The following HTRA3 variants were observed in gnomAD, a reference collection of about 807,000 sequenced individuals.
The protein encoded by HTRA3 is serine protease HTRA3.
A neutral mutation model predicts 43.2 loss-of-function variants in HTRA3; 41 were observed. That is an observed-to-expected ratio of 0.95 (90% CI 0.74 to 1.23). The LOEUF (loss-of-function observed/expected upper bound fraction) is 1.23. HTRA3 is among the 50% of genes most tolerant of loss of function. The probability of loss-of-function intolerance (pLI) is 0.00; values close to 1 mark genes in which losing one functional copy is unlikely to be tolerated. For synonymous variants in HTRA3, 295 were observed against 287.9 expected, an observed-to-expected ratio of 1.02 and a Z score of -0.25; for missense variants, 628 against 647.1, an observed-to-expected ratio of 0.97 and a Z score of 0.32.
intron 8 of HTRA3, among the ~76,000 whole-genome samples, chr4:8,305,648 T>C (rs1463744253): frequency 2.0e-4 from 31 of 152,138 alleles, no homozygotes; most frequent in Admixed American, 2.0e-3. Flanking sequence ...ATTTGCAAAG[T>C]GCGTTTCCAC....
chr4:8,301,367 C>A (rs1713651078), intron 6 of HTRA3, among the ~76,000 whole-genome samples: 1 of 151,622 alleles, frequency 6.6e-6, no homozygotes. Flanking sequence ...TCACACTCAG[C>A]TTTATTATTG....
chr4:8,294,270 C>A, intron 6 of HTRA3, 69 bp downstream of exon 6: 4 of 1,186,390 alleles, frequency 3.4e-6, no homozygotes, highest in East Asian at 2.5e-5. Flanking sequence ...CCTTAACACC[C>A]CAGCCCTGGG....
intron 3 of HTRA3, among the ~76,000 whole-genome samples, chr4:8,287,886 C>T (rs1460087104): frequency 6.6e-6 from 1 of 152,158 alleles, no homozygotes; most frequent in Non-Finnish European, 1.5e-5. Flanking sequence ...CTTGTCTTGC[C>T]CAATGCCATG....
At chr4:8,283,027 G>A (rs1169074082) in intron 2 of HTRA3, among the ~76,000 whole-genome samples, 1 of 152,208 alleles carries the variant, frequency 6.6e-6, no homozygotes, top group Admixed American at 6.5e-5. Flanking sequence ...GCCAGTGGAT[G>A]CAGGGCAGTG....
At chr4:8,284,171 G>A (rs574143242) in intron 2 of HTRA3, among the ~76,000 whole-genome samples, 5 of 152,312 alleles carry the variant, frequency 3.3e-5, no homozygotes, top group Admixed American at 2.6e-4. Flanking sequence ...CACCCTGTCC[G>A]GTGCCCCGTG....
chr4:8,271,922 G>A (rs1354715918), intron 1 of HTRA3, among the ~76,000 whole-genome samples: 9 of 152,194 alleles, frequency 5.9e-5, no homozygotes, highest in Non-Finnish European at 1.3e-4. Flanking sequence ...CTTGTGTTGA[G>A]ACTGCCCAGG....
At position 8,296,431 on chromosome 4, in the gene HTRA3, G is replaced by A. The variant is rs1713460013; in HGVS notation, c.1051+2230G>A. ...ATCCTTCTGAAGTTGACTGGTGTTT[G>A]TACTTGCTTCTCTTTTTTATTTAAT... On this transcript the variant is annotated intron_variant, in intron 6 of 8. Transcript: ENST00000307358. This position sits in a 1 kb window ranked among gnomAD's most constrained non-coding sequence, Gnocchi z 5.3. 1 of 985,268 alleles carries A rather than the reference G, an allele frequency of 1.0e-6. No individual in the cohort carries two copies. Among genetic ancestry groups the A allele is most frequent in the African/African-American group, 1.7e-5 (1 of 57,234 alleles). 61.0% of individuals were successfully genotyped at this position (985,268 alleles called of 1,614,324 possible). A position where few individuals can be genotyped will look rare whatever the true frequency, so the allele number is the denominator to read the frequency against.
chr4:8,271,185 C>T lies in HTRA3; in HGVS notation c.385+832C>T, dbSNP rs1351416062. Among the ~76,000 whole-genome samples, 3 of 151,736 alleles carry T rather than the reference C, an allele frequency of 2.0e-5. No homozygotes were observed. In the South Asian group the frequency reaches 6.3e-4, roughly 32 times the overall value. ...AGCCTCAGGAGCACCATGGGGAGCACCAACTGCCGGGGCTCCTGGGAAGCC... is the reference window on the plus strand; with the variant it reads ...AGCCTCAGGAGCACCATGGGGAGCATCAACTGCCGGGGCTCCTGGGAAGCC... On this transcript the variant is annotated intron_variant, in intron 1 of 8. Transcript: ENST00000307358.
At chr4:8,275,392 A>G (rs1175065035) in intron 1 of HTRA3, among the ~76,000 whole-genome samples, 6 of 152,142 alleles carry the variant, frequency 3.9e-5, no homozygotes, top group Non-Finnish European at 8.8e-5. Flanking sequence ...GCCTCCTGGC[A>G]GGCTCGCAGG....
chr4:8,296,650 C>T lies in HTRA3; in HGVS notation c.1051+2449C>T, dbSNP rs1713468559. Among the ~76,000 whole-genome samples the T allele has an allele frequency of 6.6e-6, 1 of 152,230 alleles. No homozygotes were observed. The highest frequency in any genetic ancestry group is 2.4e-5 in the African/African-American group (1 of 41,464). On this transcript the variant is annotated intron_variant, in intron 6 of 8. Coordinates refer to ENST00000307358, the MANE Select transcript of HTRA3 (RefSeq NM_053044.5). The surrounding 1 kb of genome is among the most constrained non-coding windows in gnomAD (Gnocchi z 5.3). ...GCCCCAGGAGGGCTTGGGGTCCAGCCAGCCTTAGGACCAGAGAGTAGCCCC... is the reference window on the plus strand; with the variant it reads ...GCCCCAGGAGGGCTTGGGGTCCAGCTAGCCTTAGGACCAGAGAGTAGCCCC...
At chr4:8,301,871 T>C (rs916074681) in intron 6 of HTRA3, among the ~76,000 whole-genome samples, 2 of 152,258 alleles carry the variant, frequency 1.3e-5, no homozygotes, top group African/African-American at 4.8e-5. Context: ...AGAACTCTTA[T>C]ATAAAATGAA....
chr4:8,274,739 G>A (rs1324918536), intron 1 of HTRA3, among the ~76,000 whole-genome samples: 15 of 152,326 alleles, frequency 9.8e-5, no homozygotes, highest in Admixed American at 5.2e-4. Flanking sequence ...TTCCCTTTGC[G>A]CGTAACCAGA....
intron 1 of HTRA3, among the ~76,000 whole-genome samples, chr4:8,276,889 G>C (rs1251847914): frequency 6.6e-6 from 1 of 152,254 alleles, no homozygotes; most frequent in Non-Finnish European, 1.5e-5. Context: ...GCCTCTCTAA[G>C]CCTTGTTTCC....
At chr4:8,289,415 G>A (rs1713136611) in intron 3 of HTRA3, among the ~76,000 whole-genome samples, 2 of 152,242 alleles carry the variant, frequency 1.3e-5, no homozygotes, top group African/African-American at 2.4e-5. Context: ...GCAATGGACA[G>A]CGTTTGGGCC....
chr4:8,272,199 A>T (rs1712308564), intron 1 of HTRA3, among the ~76,000 whole-genome samples: 1 of 152,070 alleles, frequency 6.6e-6, no homozygotes, highest in Admixed American at 6.5e-5. Context: ...ACACTCACTG[A>T]CTTCTGGAGT....
chr4:8,282,363 C>T (rs986825549), intron 1 of HTRA3, 74 bp from the exon 2 acceptor site: 7 of 1,181,754 alleles, frequency 5.9e-6, no homozygotes, highest in Admixed American at 2.0e-5. Context: ...TCCTTCTGCC[C>T]ACTGGGCATA....
intron 6 of HTRA3, among the ~76,000 whole-genome samples, chr4:8,300,346 G>T (rs1162797131): frequency 1.3e-5 from 2 of 152,192 alleles, no homozygotes; most frequent in African/African-American, 4.8e-5. Context: ...GAATTCTCCA[G>T]TGAGATCTTT....
At chr4:8,287,581 C>T (rs573278720) in intron 3 of HTRA3, among the ~76,000 whole-genome samples, 1 of 152,180 alleles carries the variant, frequency 6.6e-6, no homozygotes, top group South Asian at 2.1e-4. Context: ...ACATGCCACA[C>T]ATTTTAAAAC....
Position 8,297,584 on chromosome 4 carries a change from CAGG to C in HTRA3, c.1051+3386_1051+3388del, listed in dbSNP as rs1713499852. Reference sequence around the variant, plus strand: ...CGAGGGTGAGGGCTGCATGACGGGGCAGGAGACCTCTCTGAGGAGGTGACCCAC... The same window carrying C: ...CGAGGGTGAGGGCTGCATGACGGGGCAGACCTCTCTGAGGAGGTGACCCAC... On this transcript the variant is annotated intron_variant, in intron 6 of 8. Transcript: ENST00000307358. This position sits in a 1 kb window ranked among gnomAD's most constrained non-coding sequence, Gnocchi z 5.8. Among the ~76,000 whole-genome samples the C allele has an allele frequency of 6.6e-6, 1 of 152,038 alleles. No homozygotes were observed. Among genetic ancestry groups the C allele is most frequent in the Non-Finnish European group, 1.5e-5 (1 of 67,990 alleles).
Sources: gnomAD v4.1 joint callset for allele counts (sites outside exome capture counted in the v4.1 genomes callset) on GRCh38, gnomAD v4.1.1 for gene constraint, Gnocchi (gnomAD v3.1) non-coding constraint, MANE v1.5 for transcripts, NCBI Gene and HGNC (gene_info 2026-07-23, HGNC 2026-07-21) for gene names.